YIPF6: variants seen among roughly 807,000 people sequenced by gnomAD.
YIPF6 encodes the protein protein YIPF6.
In YIPF6, 3 loss-of-function variants were observed where a neutral mutation model predicts 16.8. That is an observed-to-expected ratio of 0.18 (90% CI 0.08 to 0.46). YIPF6 has a LOEUF of 0.46. Among genes scored for constraint, YIPF6 ranks in the 20% least tolerant of loss-of-function variants. The pLI, the probability that YIPF6 is intolerant of heterozygous loss-of-function variation, is 0.98. For missense variants in YIPF6, 145 were observed against 184.9 expected (o/e 0.78, Z 1.25); for synonymous variants, 67 against 61.9 (o/e 1.08, Z -0.38).
rs1602456276 is a variant in YIPF6, at chrX:68,511,950, A to G, written c.159A>G (p.Thr53=). The part of the protein sequence containing the change: ...RSRIREFDSS[T]LNESVRNTIM... Reference sequence around the variant, plus strand: ...GCATCCGGGAGTTTGACAGCTCCACATTAAATGAATCTGTTCGCAATACCA... The same window carrying G: ...GCATCCGGGAGTTTGACAGCTCCACGTTAAATGAATCTGTTCGCAATACCA... Residue 53 remains threonine, a synonymous_variant, in exon 2 of 7, where the codon ACA becomes ACG. Transcript: ENST00000462683. The G allele has an allele frequency of 8.3e-7, 1 of 1,208,342 alleles. No individual in the cohort carries two copies. The highest frequency in any genetic ancestry group is 1.8e-5 in the South Asian group (1 of 56,458).
At chrX:68,519,788 A>G (rs751960879) in intron 4 of YIPF6, among the ~76,000 whole-genome samples, 60 of 111,906 alleles carry the variant, frequency 5.4e-4, no homozygotes, top group Non-Finnish European at 7.9e-4. Flanking sequence ...TTGAGCATAT[A>G]TTAATTTAGG....
chrX:68,502,320 G>A (rs1248654005), intron 1 of YIPF6, among the ~76,000 whole-genome samples: 2 of 111,752 alleles, frequency 1.8e-5, no homozygotes, highest in Non-Finnish European at 3.8e-5. Flanking sequence ...GGTTTGTAGC[G>A]TGTGAAGGAG....
chrX:68,506,710 C>CAATA (rs1458336988), intron 1 of YIPF6, among the ~76,000 whole-genome samples: 1 of 110,634 alleles, frequency 9.0e-6, no homozygotes, highest in Non-Finnish European at 1.9e-5. Flanking sequence ...TAAAAAAAAA[C>CAATA]AATAAATAAA....
intron 1 of YIPF6, 113 bp from the exon 2 acceptor site, chrX:68,511,736 C>T: frequency 1.2e-6 from 1 of 867,998 alleles, no homozygotes; most frequent in Non-Finnish European, 1.6e-6. Context: ...CACCTACTTT[C>T]CTATGTAAAA....
intron 6 of YIPF6, among the ~76,000 whole-genome samples, chrX:68,523,179 T>G (rs2147824819): frequency 9.0e-6 from 1 of 110,520 alleles, no homozygotes; most frequent in African/African-American, 3.3e-5. Context: ...TTACACTACA[T>G]TTAGCCTAGT....
At chrX:68,517,112 G>A (rs1474235430) in intron 3 of YIPF6, among the ~76,000 whole-genome samples, 1 of 109,808 alleles carries the variant, frequency 9.1e-6, no homozygotes, top group Non-Finnish European at 1.9e-5. Flanking sequence ...ATGAGCTACC[G>A]AACCCGACCA....
At chrX:68,509,113 TG>T (rs2079070668) in intron 1 of YIPF6, among the ~76,000 whole-genome samples, 1 of 108,349 alleles carries the variant, frequency 9.2e-6, no homozygotes, top group Non-Finnish European at 1.9e-5. Context: ...TTTTTGTTGT[TG>T]TTTTTTTTTT....
intron 6 of YIPF6, among the ~76,000 whole-genome samples, chrX:68,525,249 C>CT (rs1353389802): frequency 8.9e-6 from 1 of 112,373 alleles, no homozygotes; most frequent in Non-Finnish European, 1.9e-5. Flanking sequence ...TGATGATGAG[C>CT]TTTTATTCAT....
intron 1 of YIPF6, among the ~76,000 whole-genome samples, chrX:68,502,840 T>G (rs1050884263): frequency 8.3e-5 from 9 of 108,723 alleles, no homozygotes; most frequent in Non-Finnish European, 1.7e-4. Flanking sequence ...CTTTTTTTTT[T>G]TTTTGAGCCG....
intron 1 of YIPF6, among the ~76,000 whole-genome samples, chrX:68,511,211 G>A (rs1331086515): frequency 8.9e-6 from 1 of 112,132 alleles, no homozygotes; most frequent in Non-Finnish European, 1.9e-5. Context: ...GTGCCTACTG[G>A]CCCAAAAACT....
intron 3 of YIPF6, among the ~76,000 whole-genome samples, chrX:68,517,489 G>GGCAGAGCCT (rs1466149997): frequency 8.9e-6 from 1 of 112,242 alleles, no homozygotes; most frequent in Non-Finnish European, 1.9e-5. Flanking sequence ...ACCTGATGTT[G>GGCAGAGCCT]GCAGAGCCTG....
intron 1 of YIPF6, among the ~76,000 whole-genome samples, chrX:68,508,899 A>T (rs1000672968): frequency 1.8e-5 from 2 of 111,547 alleles, no homozygotes; most frequent in Non-Finnish European, 3.8e-5. Flanking sequence ...GCTGGACATC[A>T]TGTACACACT....
chrX:68,500,687 C>T (rs781509795), intron 1 of YIPF6, among the ~76,000 whole-genome samples: 5 of 111,625 alleles, frequency 4.5e-5, no homozygotes, highest in African/African-American at 1.3e-4. Context: ...TAATTCTAGT[C>T]CTAGCTCTGC....
At chrX:68,499,606 C>G (rs1253938040) in intron 1 of YIPF6, among the ~76,000 whole-genome samples, 1 of 111,618 alleles carries the variant, frequency 9.0e-6, no homozygotes, top group Non-Finnish European at 1.9e-5. Context: ...CCTTGCCATT[C>G]TCTTCACCAT....
At chrX:68,520,599 G>A (rs1602463847) in intron 4 of YIPF6, among the ~76,000 whole-genome samples, 1 of 111,300 alleles carries the variant, frequency 9.0e-6, no homozygotes, top group Non-Finnish European at 1.9e-5. Flanking sequence ...AGCCTTTCTA[G>A]TAGCTAGGAC....
intron 1 of YIPF6, among the ~76,000 whole-genome samples, chrX:68,510,095 G>A (rs930303808): frequency 9.0e-6 from 1 of 111,557 alleles, no homozygotes; most frequent in African/African-American, 3.3e-5. Flanking sequence ...CAGGCTACTT[G>A]GTCTCCCTAC....
chrX:68,521,556 A>G lies in YIPF6; in HGVS notation c.434+59A>G, dbSNP rs1602464697. 14 of 1,139,201 alleles carry G rather than the reference A, an allele frequency of 1.2e-5. No individual in the cohort carries two copies. In the East Asian group the frequency reaches 4.3e-4, roughly 35 times the overall value. The allele number at this position is 1,139,201 out of a possible 1,213,427, so 93.9% of individuals were successfully genotyped here. On this transcript the variant is annotated intron_variant, in intron 5 of 6. Coordinates refer to ENST00000462683, the MANE Select transcript of YIPF6 (RefSeq NM_173834.4). ...CTTGCCAGGTAGTATATCTTAGATT[A>G]AGGAATACAGGCTAGCTAGATTTTT...
intron 3 of YIPF6, 55 bp from the exon 4 acceptor site, chrX:68,518,715 A>G: frequency 8.7e-7 from 1 of 1,151,240 alleles, no homozygotes; most frequent in African/African-American, 1.8e-5. Context: ...AGAGGTAGAT[A>G]TTAGAATAAA....
intron 6 of YIPF6, among the ~76,000 whole-genome samples, chrX:68,527,427 G>A (rs1450533092): frequency 9.0e-6 from 1 of 111,333 alleles, no homozygotes; most frequent in Admixed American, 9.6e-5. Context: ...AACAGTTCCT[G>A]TATTCATTGA....
Sources: allele counts gnomAD v4.1 joint callset (sites outside exome capture counted in the v4.1 genomes callset), GRCh38; gene constraint gnomAD v4.1.1; transcripts MANE v1.5; gene names NCBI Gene and HGNC (gene_info 2026-07-23, HGNC 2026-07-21).